RERE: variants seen among roughly 807,000 people sequenced by gnomAD.
RERE encodes arginine-glutamic acid dipeptide repeats protein.
RERE carries 40 observed loss-of-function variants against 146.1 expected under a neutral mutation model. That is an observed-to-expected ratio of 0.27 (90% confidence interval 0.21 to 0.36). The LOEUF is 0.36. Among genes scored for constraint, RERE ranks in the 10% least tolerant of loss-of-function variants. The pLI, the probability that RERE is intolerant of heterozygous loss-of-function variation, is 1.00. For missense variants in RERE, 1,933 were observed against 2,138.7 expected, an observed-to-expected ratio of 0.90 and a Z score of 1.90; for synonymous variants, 1,003 against 866.0, an observed-to-expected ratio of 1.16 and a Z score of -2.78.
intron 1 of RERE, chr1:8,786,343 C>T (rs1323790914): frequency 2.0e-5 from 17 of 854,896 alleles, no homozygotes; most frequent in Middle Eastern, 2.3e-4. Flanking sequence ...TTCTTTAAAG[C>T]GTTTTCCAAC....
chr1:8,580,069 A>G (rs1408953551), intron 4 of RERE, among the ~76,000 whole-genome samples: 2 of 152,232 alleles, frequency 1.3e-5, no homozygotes, highest in African/African-American at 4.8e-5. Flanking sequence ...ATCAACAGTA[A>G]AATCGAAGGA....
Position 8,422,820 on chromosome 1 carries a change from G to C in RERE, c.1204-13C>G, listed in dbSNP as rs756537379. 1.2e-6 allele frequency: 2 copies of C among 1,603,418 alleles called. No individual in the cohort carries two copies. Among genetic ancestry groups the C allele is most frequent in the South Asian group, 2.2e-5 (2 of 90,804 alleles). ...TAACGAAGCGTTTCTGTGATAAAAA[G>C]AAACAAATGGGATGTAAAAACCAAA... On this transcript the variant is annotated splice_polypyrimidine_tract_variant and intron_variant, in intron 11 of 22. Transcript: ENST00000400908.
At chr1:8,815,744 T>C (rs1256491776) in intron 1 of RERE, among the ~76,000 whole-genome samples, 1 of 152,178 alleles carries the variant, frequency 6.6e-6, no homozygotes, top group Non-Finnish European at 1.5e-5. Context: ...AAAAGAGCTG[T>C]GTTTGTCTGT....
In RERE at chr1:8,355,075, CAAAT is replaced by C. The variant is rs966270820; in HGVS notation, c.*8_*11del. 7 of 1,612,782 alleles carry C rather than the reference CAAAT, an allele frequency of 4.3e-6. No individual in the cohort carries two copies. Among genetic ancestry groups the C allele is most frequent in the Non-Finnish European group, 5.9e-6 (7 of 1,179,158 alleles). ...CTGGGGTTTCCACAGCCAGCGTTAACAAATAAATAACTTATAACTGCTTGTCACC... is the reference window on the plus strand; with the variant it reads ...CTGGGGTTTCCACAGCCAGCGTTAACAAATAACTTATAACTGCTTGTCACC... On this transcript the variant is annotated 3_prime_UTR_variant, in exon 23 of 23. Coordinates refer to ENST00000400908, the MANE Select transcript of RERE (RefSeq NM_001042681.2).
chr1:8,616,696 C>T (rs1265728079), intron 3 of RERE, among the ~76,000 whole-genome samples: 1 of 152,092 alleles, frequency 6.6e-6, no homozygotes, highest in African/African-American at 2.4e-5. Context: ...TTCTTAGAGT[C>T]CCTTGACCCA....
intron 1 of RERE, among the ~76,000 whole-genome samples, chr1:8,804,825 T>A (rs1464932652): frequency 6.6e-6 from 1 of 152,210 alleles, no homozygotes; most frequent in African/African-American, 2.4e-5. Context: ...GGTTCAGGAC[T>A]GTCTATGAGA....
intron 11 of RERE, among the ~76,000 whole-genome samples, chr1:8,443,814 G>A (rs1399338106): frequency 5.3e-5 from 8 of 152,260 alleles, no homozygotes; most frequent in Admixed American, 3.9e-4. Flanking sequence ...GCCATAGGCT[G>A]TGGCAGCTTC....
Position 8,556,536 on chromosome 1 carries a change from T to C in RERE, c.664A>G (p.Ile222Val), listed in dbSNP as rs760723756. The change falls in exon 6 of 23, where the codon ATC becomes GTC. Residue 222 changes from isoleucine to valine, a missense_variant. Coordinates refer to ENST00000400908, the MANE Select transcript of RERE (RefSeq NM_001042681.2). ...GRELVITDPVIKNRELFISDY... is the reference protein window; with the variant it reads ...GRELVITDPVVKNRELFISDY... Reference sequence around the variant, plus strand: ...GAAATGAAGAGCTCTCGGTTCTTGATAACTGGGTCTGTAATGACAAGTTCT... The same window carrying C: ...GAAATGAAGAGCTCTCGGTTCTTGACAACTGGGTCTGTAATGACAAGTTCT... 1.2e-6 allele frequency: 2 copies of C among 1,610,932 alleles called. No individual in the cohort carries two copies. Among genetic ancestry groups the C allele is most frequent in the South Asian group, 1.1e-5 (1 of 91,034 alleles).
chr1:8,750,373 A>C, intron 1 of RERE: 1 of 651,058 alleles, frequency 1.5e-6, no homozygotes. Flanking sequence ...AACATCTGTG[A>C]GTGTCACAAA....
intron 10 of RERE, among the ~76,000 whole-genome samples, chr1:8,484,487 G>A (rs1439255232): frequency 3.3e-5 from 5 of 150,228 alleles, no homozygotes; most frequent in African/African-American, 9.8e-5. Flanking sequence ...GTGCAGTAGC[G>A]CCATCTCGGC....
chr1:8,565,542 A>G (rs1396834370), intron 4 of RERE, among the ~76,000 whole-genome samples: 1 of 152,150 alleles, frequency 6.6e-6, no homozygotes, highest in Non-Finnish European at 1.5e-5. Flanking sequence ...CCCTGTCTCT[A>G]CTAAAAATAC....
intron 1 of RERE, among the ~76,000 whole-genome samples, chr1:8,717,793 G>T (rs1200455215): frequency 2.0e-5 from 3 of 152,172 alleles, no homozygotes; most frequent in African/African-American, 7.2e-5. Context: ...CATTAAAAGT[G>T]ATCAAAAGAG....
chr1:8,695,662 G>T (rs935860320), intron 1 of RERE, among the ~76,000 whole-genome samples: 76 of 150,268 alleles, frequency 5.1e-4, no homozygotes, highest in African/African-American at 1.8e-3. Context: ...TTGGGAGGCT[G>T]AGGCAGAGAA....
chr1:8,602,949 G>C (rs1203012030), intron 4 of RERE, among the ~76,000 whole-genome samples: 1 of 152,160 alleles, frequency 6.6e-6, no homozygotes, highest in African/African-American at 2.4e-5. Flanking sequence ...GGGACAAAAA[G>C]GTGAATGAAA....
rs1216467734 is a variant in RERE at position 8,498,726 on chromosome 1, AATAT to A, written c.880-1201_880-1198del. Among the ~76,000 whole-genome samples, 35 of 15,330 alleles carry A rather than the reference AATAT, an allele frequency of 2.3e-3. 1 individual carries two copies. Among genetic ancestry groups the A allele is most frequent in the African/African-American group, 7.4e-3 (30 of 4,036 alleles). 10.1% of individuals were successfully genotyped at this position (15,330 alleles called of 152,430 possible). A position where few individuals can be genotyped will look rare whatever the true frequency, so the allele number is the denominator to read the frequency against. ...AAAAAAAAATAAAAAAAAAAAAATA[AATAT>A]ATACACACACACACACACACACACA... On this transcript the variant is annotated intron_variant, in intron 8 of 22. Coordinates refer to ENST00000400908, the MANE Select transcript of RERE (RefSeq NM_001042681.2).
At chr1:8,763,890 G>A (rs903232289) in intron 1 of RERE, among the ~76,000 whole-genome samples, 37 of 148,904 alleles carry the variant, frequency 2.5e-4, no homozygotes, top group African/African-American at 8.0e-4. Context: ...GCAGTAAGCC[G>A]AGATCACGCC....
At chr1:8,742,944 C>G (rs1050005079) in intron 1 of RERE, among the ~76,000 whole-genome samples, 8 of 151,142 alleles carry the variant, frequency 5.3e-5, no homozygotes, top group African/African-American at 2.0e-4. Flanking sequence ...ATCATTCTCA[C>G]AGTCTAAAGG....
At chr1:8,644,437 T>C (rs901829269) in intron 2 of RERE, among the ~76,000 whole-genome samples, 11 of 152,160 alleles carry the variant, frequency 7.2e-5, no homozygotes, top group African/African-American at 2.4e-4. Flanking sequence ...TTCCCAACCA[T>C]TATGGGGGAA....
chr1:8,457,995 C>T (rs545392676), intron 11 of RERE, among the ~76,000 whole-genome samples: 74 of 152,228 alleles, frequency 4.9e-4, no homozygotes, highest in Admixed American at 9.8e-4. Context: ...TCTCATTTTT[C>T]ACTTCCTGTT....
Sources: allele counts gnomAD v4.1 joint callset (sites outside exome capture counted in the v4.1 genomes callset), GRCh38; gene constraint gnomAD v4.1.1; transcripts MANE v1.5; gene names NCBI Gene and HGNC (gene_info 2026-07-23, HGNC 2026-07-21).